The following MTPAP variants were observed in gnomAD, a reference collection of about 807,000 sequenced individuals.
The protein encoded by MTPAP is mitochondrial poly(A) polymerase.
A neutral mutation model predicts 48.7 loss-of-function variants in MTPAP; 23 were observed. The observed-to-expected ratio is 0.47, with a 90% CI of 0.34 to 0.67. The LOEUF is 0.67. MTPAP is among the 30% of genes least tolerant of loss of function. The probability of loss-of-function intolerance (pLI) is 0.01; values close to 1 mark genes in which losing one functional copy is unlikely to be tolerated. For missense variants in MTPAP, 614 were observed against 694.3 expected (o/e 0.88, Z 1.30); for synonymous variants, 257 against 254.1 (o/e 1.01, Z -0.11).
At chr10:30,323,417 A>G (rs1027710512) in intron 5 of MTPAP, among the ~76,000 whole-genome samples, 8 of 135,400 alleles carry the variant, frequency 5.9e-5, no homozygotes, top group Non-Finnish European at 9.2e-5. Flanking sequence ...GCGTTATTGC[A>G]CTCCAGCCTG....
intron 4 of MTPAP, 98 bp from the exon 5 acceptor site, chr10:30,326,733 G>A (rs1023245904): frequency 2.4e-5 from 22 of 898,752 alleles, no homozygotes; most frequent in Non-Finnish European, 3.3e-5. Flanking sequence ...CTGCTGGAAA[G>A]CAAAACAAAA....
At chr10:30,314,096 TTC>T in intron 8 of MTPAP, 125 bp from the exon 9 acceptor site, 1 of 1,169,876 alleles carries the variant, frequency 8.5e-7, no homozygotes, top group Non-Finnish European at 1.2e-6. Flanking sequence ...AGCAAAGAAT[TTC>T]TTTCTCAGGG....
At chr10:30,318,816 C>T (rs538974794) in intron 6 of MTPAP, among the ~76,000 whole-genome samples, 1 of 152,194 alleles carries the variant, frequency 6.6e-6, no homozygotes, top group African/African-American at 2.4e-5. Flanking sequence ...ACAGAAGACG[C>T]AGAGGTGAAG....
intron 4 of MTPAP, among the ~76,000 whole-genome samples, chr10:30,327,550 AACTC>A (rs1420577634): frequency 2.0e-5 from 3 of 149,782 alleles, no homozygotes; most frequent in South Asian, 4.2e-4. Flanking sequence ...AAATTACTAA[AACTC>A]AAGTAAATTC....
At chr10:30,322,762 G>T in intron 5 of MTPAP, 145 bp from the exon 6 acceptor site, 1 of 655,212 alleles carries the variant, frequency 1.5e-6, no homozygotes, top group Non-Finnish European at 2.7e-6. Context: ...AAAGCATTAT[G>T]AATTTGCAAT....
At chr10:30,335,663 G>A (rs1295598293) in intron 4 of MTPAP, among the ~76,000 whole-genome samples, 1 of 152,052 alleles carries the variant, frequency 6.6e-6, no homozygotes, top group Non-Finnish European at 1.5e-5. Flanking sequence ...AGAAAAAAAG[G>A]GTAAGGAGGA....
intron 1 of MTPAP, among the ~76,000 whole-genome samples, chr10:30,344,040 T>G (rs1194097445): frequency 1.3e-5 from 2 of 152,234 alleles, no homozygotes; most frequent in Non-Finnish European, 2.9e-5. Flanking sequence ...AAAGTGTTCT[T>G]TATAAAATGG....
chr10:30,318,861 G>C (rs1041988198), intron 6 of MTPAP, among the ~76,000 whole-genome samples: 4 of 152,156 alleles, frequency 2.6e-5, no homozygotes, highest in African/African-American at 4.8e-5. Context: ...TGACAATGCT[G>C]AGGCAGGCAC....
intron 5 of MTPAP, 29 bp downstream of exon 5, chr10:30,326,395 T>C (rs1278094799): frequency 1.3e-6 from 2 of 1,578,096 alleles, no homozygotes; most frequent in Admixed American, 3.3e-5. Flanking sequence ...AATATTCATA[T>C]TTAAAATAAT....
chr10:30,335,281 A>G (rs1478680829), intron 4 of MTPAP, among the ~76,000 whole-genome samples: 2 of 152,108 alleles, frequency 1.3e-5, no homozygotes, highest in African/African-American at 4.8e-5. Context: ...TGAGGTCAGG[A>G]GTTCAAGACC....
chr10:30,348,938 C>A, intron 1 of MTPAP, 181 bp downstream of exon 1: 1 of 789,076 alleles, frequency 1.3e-6, no homozygotes, highest in Non-Finnish European at 2.0e-6. Flanking sequence ...TCACTTCTGC[C>A]TCAGCAACGG....
rs561741250 is a variant in MTPAP, at chr10:30,340,931, A to G, written c.331-481T>C. 7.2e-5 allele frequency among the ~76,000 whole-genome samples: 11 copies of G among 152,232 alleles called. No homozygotes were observed. In the South Asian group the frequency reaches 2.1e-3, roughly 29 times the overall value. On this transcript the variant is annotated intron_variant, in intron 2 of 8. Coordinates refer to ENST00000263063, the MANE Select transcript of MTPAP (RefSeq NM_018109.4). ...GAGACTCCATGTCAAAAAAAAAGAA[A>G]CGGAACCTTAAAACAATGTTAGTTA...
chr10:30,333,627 C>G (rs570241193), intron 4 of MTPAP, among the ~76,000 whole-genome samples: 1 of 152,238 alleles, frequency 6.6e-6, no homozygotes, highest in South Asian at 2.1e-4. Context: ...TGATCCAGGC[C>G]GGATGCGGTG....
In MTPAP at chr10:30,348,970, C is replaced by T. The variant is rs907654988; in HGVS notation, c.157+149G>A. Reference sequence around the variant, plus strand: ...ACGGCGGCGACCCTGGGTTCCCCTACAGAGATCAGAGGAGAGGAGAGGACA... The same window carrying T: ...ACGGCGGCGACCCTGGGTTCCCCTATAGAGATCAGAGGAGAGGAGAGGACA... On this transcript the variant is annotated intron_variant, in intron 1 of 8. Coordinates refer to ENST00000263063, the MANE Select transcript of MTPAP (RefSeq NM_018109.4). 42 of 1,200,046 alleles carry T rather than the reference C, an allele frequency of 3.5e-5. No homozygotes were observed. The South Asian group carries it at 5.5e-4, about 16-fold the overall frequency. The allele number at this position is 1,200,046 out of a possible 1,614,324, so 74.3% of individuals were successfully genotyped here. A position where few individuals can be genotyped will look rare whatever the true frequency, so the allele number is the denominator to read the frequency against.
In MTPAP at chr10:30,340,330, G is replaced by C. The variant is rs907525037; in HGVS notation, c.451C>G (p.Leu151Val). 1.2e-6 allele frequency: 2 copies of C among 1,614,018 alleles called. No individual in the cohort carries two copies. The highest frequency in any genetic ancestry group is 2.7e-5 in the African/African-American group (2 of 74,926). Residue 151 changes from leucine to valine, a missense_variant, in exon 3 of 9, where the codon CTG becomes GTG. Around this residue, in one of 5 missense-constraint regions of MTPAP, gnomAD observed 114 missense variants for 107.9 expected, o/e 1.06. Coordinates refer to ENST00000263063, the MANE Select transcript of MTPAP (RefSeq NM_018109.4). ...AIPFRSRFFN[L>V]KLKNQTSERS... Reference sequence around the variant, plus strand: ...TCAGAAGTCTGGTTTTTCAACTTCAGATTGAAGAAACGTGATCTGAATGGA... The same window carrying C: ...TCAGAAGTCTGGTTTTTCAACTTCACATTGAAGAAACGTGATCTGAATGGA...
At chr10:30,346,842 G>T (rs1834878865) in intron 1 of MTPAP, among the ~76,000 whole-genome samples, 1 of 152,122 alleles carries the variant, frequency 6.6e-6, no homozygotes, top group African/African-American at 2.4e-5. Context: ...TCCAAAGGGT[G>T]GGCATGTGAT....
At chr10:30,331,047 A>C (rs1020081726) in intron 4 of MTPAP, among the ~76,000 whole-genome samples, 2 of 152,248 alleles carry the variant, frequency 1.3e-5, no homozygotes, top group African/African-American at 4.8e-5. Context: ...CTGACCAAAA[A>C]TGCAAGCCAC....
At chr10:30,314,884 C>A (rs201943803) in intron 8 of MTPAP, among the ~76,000 whole-genome samples, 4,659 of 110,002 alleles carry the variant, frequency 0.042, 1 homozygote, top group Middle Eastern at 0.057. Flanking sequence ...AAAACAAAAA[C>A]AAAAAAAAAA....
chr10:30,332,689 A>C (rs1004015505), intron 4 of MTPAP, among the ~76,000 whole-genome samples: 9 of 152,194 alleles, frequency 5.9e-5, no homozygotes, highest in Non-Finnish European at 1.2e-4. Context: ...GTAAGACTCA[A>C]CTAAAAGTTT....
Sources: allele counts gnomAD v4.1 joint callset (sites outside exome capture counted in the v4.1 genomes callset), GRCh38; gene constraint gnomAD v4.1.1; regional missense constraint gnomAD v4.1.1; transcripts MANE v1.5; gene names NCBI Gene and HGNC (gene_info 2026-07-23, HGNC 2026-07-21).